JAK1: variants seen among roughly 807,000 people sequenced by gnomAD.
JAK1 encodes the protein Janus kinase 1, also known as tyrosine-protein kinase JAK1.
A neutral mutation model predicts 136.6 loss-of-function variants in JAK1; 16 were observed. The ratio of observed to expected loss-of-function variants is 0.12; its 90% CI spans 0.08 to 0.18. The LOEUF is 0.18. Ranked by LOEUF, JAK1 falls within the 10% of genes least tolerant of loss-of-function variation. The pLI is 1.00. For synonymous variants in JAK1, 492 were observed against 519.5 expected, an observed-to-expected ratio of 0.95 and a Z score of 0.72; for missense variants, 859 against 1,450.1, an observed-to-expected ratio of 0.59 and a Z score of 6.62.
At chr1:64,851,237 A>G (rs910843552) in intron 11 of JAK1, among the ~76,000 whole-genome samples, 1 of 152,232 alleles carries the variant, frequency 6.6e-6, no homozygotes, top group Non-Finnish European at 1.5e-5. Context: ...TAATGAAATT[A>G]AAATTTAAAA....
chr1:65,056,923 TA>T lies in JAK1; in HGVS notation c.-181+10680del, dbSNP rs57037539. On this transcript the variant is annotated intron_variant, in intron 1 of 25. Coordinates refer to the JAK1 transcript ENST00000671954. ...TGACCGCAGACTGAGACTCTTTCTT[TA>T]AAAAAAAAAAAAAAAAAAAAAGTCA... Among the ~76,000 whole-genome samples, 579 of 118,720 alleles carry T rather than the reference TA, an allele frequency of 4.9e-3. 6 individuals carry two copies. Among genetic ancestry groups the T allele is most frequent in the African/African-American group, 9.9e-3 (310 of 31,396 alleles). 77.9% of individuals were successfully genotyped at this position (118,720 alleles called of 152,430 possible).
At chr1:65,057,524 ACTC>A (rs1647600792) in intron 1 of JAK1, among the ~76,000 whole-genome samples, 1 of 151,930 alleles carries the variant, frequency 6.6e-6, no homozygotes, top group South Asian at 2.1e-4. Context: ...AACATAGTGA[ACTC>A]CTGTCTCTAC....
At position 64,978,106 on chromosome 1, in the gene JAK1, C is replaced by T. The variant is rs1420536731; in HGVS notation, c.-78+66374G>A. On this transcript the variant is annotated intron_variant, in intron 2 of 25. Transcript: ENST00000671954. ...CATCCTGGCCAACGTGGTGAAACCC[C>T]GTCTCTACTAAAAATACAAAAATTA... is the stretch of plus-strand genomic sequence containing the variant. Among the ~76,000 whole-genome samples the T allele has an allele frequency of 5.9e-5, 9 of 151,920 alleles. 1 individual carries two copies. The highest frequency in any genetic ancestry group is 1.3e-4 in the Non-Finnish European group (9 of 67,978).
chr1:65,027,058 T>G (rs369156465), intron 2 of JAK1, among the ~76,000 whole-genome samples: 4 of 151,566 alleles, frequency 2.6e-5, no homozygotes, highest in South Asian at 2.1e-4. Context: ...GGGTTTTTTG[T>G]TTTTTTTAGA....
intron 1 of JAK1, among the ~76,000 whole-genome samples, chr1:65,063,793 A>C (rs1647919910): frequency 7.1e-6 from 1 of 141,132 alleles, no homozygotes; most frequent in South Asian, 2.3e-4. Context: ...AGACAGAGAG[A>C]GACTCTATCT....
At chr1:65,050,624 G>A (rs1647257993) in intron 1 of JAK1, among the ~76,000 whole-genome samples, 1 of 152,174 alleles carries the variant, frequency 6.6e-6, no homozygotes, top group African/African-American at 2.4e-5. Flanking sequence ...GGGTTTTTAA[G>A]TGATGGCATG....
intron 1 of JAK1, among the ~76,000 whole-genome samples, chr1:64,902,583 A>AGAGAGAGAGAGAGAGAGTGTGT: frequency 2.5e-3 from 181 of 73,776 alleles, no homozygotes; most frequent in African/African-American, 3.4e-3. Flanking sequence ...AGAGAGAGAG[A>AGAGAGAGAGAGAGAGAGTGTGT]GTGTGTGTGT....
intron 2 of JAK1, among the ~76,000 whole-genome samples, chr1:64,975,325 C>T (rs115718190): frequency 0.019 from 2,857 of 152,326 alleles, 57 homozygotes; most frequent in Non-Finnish European, 0.031. Flanking sequence ...CAGCTCTGTG[C>T]AAACATGGTG....
chr1:64,876,246 A>T (rs1201015986), intron 4 of JAK1: 2 of 152,216 alleles, frequency 1.3e-5, no homozygotes, highest in Admixed American at 1.3e-4. Context: ...TCCACATCCT[A>T]CTGAGTCTCT....
intron 1 of JAK1, among the ~76,000 whole-genome samples, chr1:64,944,032 C>G (rs1404085196): frequency 6.6e-6 from 1 of 151,716 alleles, no homozygotes; most frequent in East Asian, 1.9e-4. Flanking sequence ...ACCATGCTGG[C>G]TAACACAGTG....
chr1:64,973,431 A>AT (rs1173216436), intron 2 of JAK1, among the ~76,000 whole-genome samples: 1 of 151,810 alleles, frequency 6.6e-6, no homozygotes, highest in Admixed American at 6.6e-5. Context: ...TAAACATTCT[A>AT]TTTTTTTAAT....
At chr1:65,001,639 T>C (rs1409588737) in intron 2 of JAK1, among the ~76,000 whole-genome samples, 1 of 143,026 alleles carries the variant, frequency 7.0e-6, no homozygotes, top group African/African-American at 2.6e-5. Context: ...AGCAAATGTG[T>C]GTGTTGTATG....
At chr1:65,066,715 G>T (rs879464786) in intron 1 of JAK1, 64 of 152,848 alleles carry the variant, frequency 4.2e-4, no homozygotes, top group Admixed American at 8.5e-4. Context: ...CCGCCGCCGC[G>T]GGGACTCCGG....
intron 22 of JAK1, among the ~76,000 whole-genome samples, chr1:64,837,479 T>C (rs1654560586): frequency 6.6e-6 from 1 of 152,172 alleles, no homozygotes; most frequent in Non-Finnish European, 1.5e-5. Context: ...TGGTGATTCA[T>C]GAGACAGCCA....
rs2100995305 is a variant in JAK1 at position 64,844,826 on chromosome 1, T to C, written c.2179A>G (p.Ile727Val). ...ATGAATGGGCCACACTCACTGTCGA[T>C]GCCCTCACGGGCCAGGAGGAGGTTT... is the stretch of plus-strand genomic sequence containing the variant. ...TKNLLLAREG[I>V]DSECGPFIKL... Residue 727 changes from isoleucine to valine, a missense_variant, in exon 16 of 25, where the codon ATC (isoleucine) becomes GTC (valine). Physicochemically the swap from Ile to Val is conservative, Grantham distance 29 (BLOSUM62 3). Coordinates refer to ENST00000342505, the MANE Select transcript of JAK1 (RefSeq NM_002227.4). The surrounding 1 kb of genome is among the most constrained non-coding windows in gnomAD (Gnocchi z 5.7). The C allele has an allele frequency of 6.2e-7, 1 of 1,614,138 alleles. No individual in the cohort carries two copies. Among genetic ancestry groups the C allele is most frequent in the Non-Finnish European group, 8.5e-7 (1 of 1,179,956 alleles).
intron 20 of JAK1, 136 bp downstream of exon 20, chr1:64,839,467 T>C (rs1654749800): frequency 4.1e-6 from 3 of 729,996 alleles, no homozygotes; most frequent in East Asian, 5.4e-5. Context: ...CTTGGAAGCC[T>C]TGAGAGTGTG....
At chr1:65,015,278 T>C (rs1646883766) in intron 2 of JAK1, among the ~76,000 whole-genome samples, 1 of 152,054 alleles carries the variant, frequency 6.6e-6, no homozygotes, top group Non-Finnish European at 1.5e-5. Context: ...AAAAAGTAAA[T>C]AAATACACAA....
intron 2 of JAK1, among the ~76,000 whole-genome samples, chr1:65,005,221 G>C (rs1646794123): frequency 6.6e-6 from 1 of 152,148 alleles, no homozygotes; most frequent in Non-Finnish European, 1.5e-5. Context: ...GCACGCACCT[G>C]TAATCCCAGC....
At chr1:64,989,426 A>T (rs1443086747) in intron 2 of JAK1, 1 of 152,112 alleles carries the variant, frequency 6.6e-6, no homozygotes, top group East Asian at 1.9e-4. Context: ...CTGTTATTCC[A>T]CACCTTACCT....
Sources: gnomAD v4.1 joint callset for allele counts (sites outside exome capture counted in the v4.1 genomes callset) on GRCh38, gnomAD v4.1.1 for gene constraint, Gnocchi (gnomAD v3.1) non-coding constraint, MANE v1.5 for transcripts, NCBI Gene and HGNC (gene_info 2026-07-23, HGNC 2026-07-21) for gene names.